The following CACNA1B variants were observed in gnomAD, a reference collection of about 807,000 sequenced individuals.
The protein encoded by CACNA1B is voltage-dependent N-type calcium channel subunit alpha-1B.
Under a neutral mutation model 247.2 loss-of-function variants are expected in CACNA1B, and 70 were observed. The observed-to-expected ratio is 0.28, with a 90% CI of 0.23 to 0.35. CACNA1B has a LOEUF of 0.35. CACNA1B is among the 10% of genes least tolerant of loss of function. The pLI is 1.00. For synonymous variants in CACNA1B, 1,231 were observed against 1,294.4 expected, an observed-to-expected ratio of 0.95 and a Z score of 1.05; for missense variants, 2,367 against 3,197.4, an observed-to-expected ratio of 0.74 and a Z score of 6.26.
Position 138,023,242 on chromosome 9 carries a change from A to C in CACNA1B, c.2499A>C (p.Lys833Asn). ...RDGARGPVGG[K>N]ARPEAAEAPE... is the part of the protein sequence containing the mutation. The stretch of plus-strand genomic sequence containing the variant: ...GCGCGCGGGGGCCCGTGGGAGGCAA[A>C]GCCCGACCTGAGGCTGCGGAGGCCC... Residue 833 changes from lysine (K) to asparagine (N), a missense_variant, in exon 19 of 47, where the codon AAA becomes AAC. Around this residue, in one of 12 missense-constraint regions of CACNA1B, gnomAD observed 631 missense variants for 631.1 expected, o/e 1.00. Transcript: ENST00000371372. The C allele has an allele frequency of 6.6e-7, 1 of 1,513,754 alleles. No individual in the cohort carries two copies. The highest frequency in any genetic ancestry group is 8.8e-7 in the Non-Finnish European group (1 of 1,139,312). 93.8% of individuals were successfully genotyped at this position (1,513,754 alleles called of 1,614,324 possible). A position where few individuals can be genotyped will look rare whatever the true frequency, so the allele number is the denominator to read the frequency against.
rs1281009471 is a variant in CACNA1B, at chr9:138,089,014, AG to A, written c.5095-7467del. Among the ~76,000 whole-genome samples the A allele has an allele frequency of 2.1e-5, 3 of 143,662 alleles. No individual in the cohort carries two copies. In the South Asian group the frequency reaches 7.0e-4, roughly 33 times the overall value. 94.2% of individuals were successfully genotyped at this position (143,662 alleles called of 152,430 possible). The stretch of plus-strand genomic sequence containing the variant: ...AAAAAATCCCATCAAAGAAAAGCCC[AG>A]GGTGCTTCACTAGAGAATTCTGCCA... On this transcript the variant is annotated intron_variant, in intron 36 of 46. Transcript: ENST00000371372.
Position 138,105,824 on chromosome 9 carries a change from C to G in CACNA1B, c.5428+17C>G. On this transcript the variant is annotated intron_variant, in intron 39 of 46. Transcript: ENST00000371372. ...TGGCCCCAGGTGAGCAAGGCAGCCTCGGAAGGAGGGCCCTGGACCCAGGGA... is the reference window on the plus strand; with the variant it reads ...TGGCCCCAGGTGAGCAAGGCAGCCTGGGAAGGAGGGCCCTGGACCCAGGGA... The G allele has an allele frequency of 1.4e-6, 2 of 1,393,544 alleles. No homozygotes were observed. The highest frequency in any genetic ancestry group is 2.0e-6 in the Non-Finnish European group (2 of 1,007,464). 86.3% of individuals were successfully genotyped at this position (1,393,544 alleles called of 1,614,324 possible).
At chr9:138,074,939 G>T (rs11137363) in intron 34 of CACNA1B, among the ~76,000 whole-genome samples, 26,096 of 152,248 alleles carry the variant, frequency 0.17, 2,674 homozygotes, top group East Asian at 0.4. Context: ...GGATCCTTGC[G>T]CTGGGCAAAC....
At position 137,974,167 on chromosome 9, in the gene CACNA1B, C is replaced by T. The variant is rs946181248; in HGVS notation, c.1544-1740C>T. On this transcript the variant is annotated intron_variant, in intron 11 of 46. Coordinates refer to ENST00000371372, the MANE Select transcript of CACNA1B (RefSeq NM_000718.4). This position sits in a 1 kb window ranked among gnomAD's most constrained non-coding sequence, Gnocchi z 4.5. ...GCTCTGCACTGGACTGCAGGGGTCA[C>T]GGCTTTCCTGCCACATCTCACACCT... 1.3e-5 allele frequency among the ~76,000 whole-genome samples: 2 copies of T among 152,160 alleles called. No individual in the cohort carries two copies. The highest frequency in any genetic ancestry group is 6.5e-5 in the Admixed American group (1 of 15,276).
rs770113904 is a variant in CACNA1B, at chr9:138,120,674, G to A, written c.6282G>A (p.Gly2094=). The change falls in exon 46 of 47, where the codon GGG becomes GGA. Residue 2094 remains glycine, a synonymous_variant. Transcript: ENST00000371372. ...GGCCGGGGCTGCCCCCGGGAGAGGG[G>A]CCTACAGGCTGCCGGCGGGAACGAG... ...AVGPGLPPGE[G]PTGCRRERER... is the part of the protein sequence containing the mutation. 41 of 1,516,020 alleles carry A rather than the reference G, an allele frequency of 2.7e-5. No homozygotes were observed. Among genetic ancestry groups the A allele is most frequent in the Non-Finnish European group, 3.5e-5 (40 of 1,138,000 alleles). 93.9% of individuals were successfully genotyped at this position (1,516,020 alleles called of 1,614,324 possible).
chr9:137,925,952 C>T (rs542505895), intron 6 of CACNA1B, among the ~76,000 whole-genome samples: 4 of 146,744 alleles, frequency 2.7e-5, no homozygotes, highest in South Asian at 2.2e-4. Context: ...GACGGGATTT[C>T]GCCATGTTGG....
chr9:138,074,109 G>A (rs375405253), intron 34 of CACNA1B, 43 bp downstream of exon 34: 13 of 1,409,032 alleles, frequency 9.2e-6, no homozygotes, highest in South Asian at 3.4e-5. Context: ...CCGGCCTCCC[G>A]TGCCCTGGAG....
chr9:138,080,463 C>T (rs1960490039), intron 36 of CACNA1B, among the ~76,000 whole-genome samples: 1 of 152,138 alleles, frequency 6.6e-6, no homozygotes, highest in African/African-American at 2.4e-5. Context: ...AAGATCATTA[C>T]ATTAACATTA....
At chr9:137,930,918 A>G (rs1466145259) in intron 6 of CACNA1B, among the ~76,000 whole-genome samples, 1 of 152,178 alleles carries the variant, frequency 6.6e-6, no homozygotes, top group Non-Finnish European at 1.5e-5. Context: ...CAATTTAAAA[A>G]AATTAATCTT....
At chr9:138,079,892 ATGT>A (rs1350550097) in intron 36 of CACNA1B, among the ~76,000 whole-genome samples, 2 of 141,518 alleles carry the variant, frequency 1.4e-5, no homozygotes, top group South Asian at 2.2e-4. Flanking sequence ...AAAAAAAAAA[ATGT>A]TGTTTATTGG....
At position 138,011,102 on chromosome 9, in the gene CACNA1B, C is replaced by T. The variant is rs542708522; in HGVS notation, c.2160+1025C>T. Among the ~76,000 whole-genome samples the T allele has an allele frequency of 6.6e-5, 10 of 152,330 alleles. No homozygotes were observed. The highest frequency in any genetic ancestry group is 1.4e-4 in the African/African-American group (6 of 41,578). On this transcript the variant is annotated intron_variant, in intron 17 of 46. Coordinates refer to ENST00000371372, the MANE Select transcript of CACNA1B (RefSeq NM_000718.4). The surrounding 1 kb of genome is among the most constrained non-coding windows in gnomAD (Gnocchi z 4.2). ...ATGGCCATGCCTATGCCTAGGGGCCCGGATTCCTCCCTGGCGCTCTGGTTT... is the reference window on the plus strand; with the variant it reads ...ATGGCCATGCCTATGCCTAGGGGCCTGGATTCCTCCCTGGCGCTCTGGTTT...
At chr9:138,084,309 C>G (rs1174567231) in intron 36 of CACNA1B, among the ~76,000 whole-genome samples, 1 of 151,226 alleles carries the variant, frequency 6.6e-6, no homozygotes, top group Non-Finnish European at 1.5e-5. Context: ...GATTGCAGGC[C>G]ATTAGACCTG....
At chr9:138,026,566 T>C (rs1958923152) in intron 20 of CACNA1B, among the ~76,000 whole-genome samples, 1 of 152,246 alleles carries the variant, frequency 6.6e-6, no homozygotes, top group African/African-American at 2.4e-5. Flanking sequence ...ATTAGCAATA[T>C]GCACTTAAGT....
In CACNA1B at chr9:138,010,561, A is replaced by T. The variant is rs1309160538; in HGVS notation, c.2160+484A>T. Among the ~76,000 whole-genome samples the T allele has an allele frequency of 6.6e-6, 1 of 152,034 alleles. No homozygotes were observed. The highest frequency in any genetic ancestry group is 2.4e-5 in the African/African-American group (1 of 41,388). On this transcript the variant is annotated intron_variant, in intron 17 of 46. Transcript: ENST00000371372. The surrounding 1 kb of genome is among the most constrained non-coding windows in gnomAD (Gnocchi z 5.3). ...CTGGTCATGCTCTCCCCAGCCCTGG[A>T]CACTTGTAGTGTGGCCACCTGCCAT...
At chr9:138,074,712 C>T (rs575549533) in intron 34 of CACNA1B, among the ~76,000 whole-genome samples, 3 of 152,328 alleles carry the variant, frequency 2.0e-5, no homozygotes, top group Admixed American at 1.3e-4. Flanking sequence ...CATGGGCTCC[C>T]GCCCAGTGAT....
At position 137,957,863 on chromosome 9, in the gene CACNA1B, C is replaced by A. The variant is rs12344325; in HGVS notation, c.1333+176C>A. On this transcript the variant is annotated intron_variant, in intron 10 of 46. Coordinates refer to ENST00000371372, the MANE Select transcript of CACNA1B (RefSeq NM_000718.4). This position sits in a 1 kb window ranked among gnomAD's most constrained non-coding sequence, Gnocchi z 4.7. The stretch of plus-strand genomic sequence containing the variant: ...TGTGACCCCCATGTGGACATAGGGC[C>A]CTTAGCCATATCCCAAGGCTGGAGG... Among the ~76,000 whole-genome samples, 37 of 152,304 alleles carry A rather than the reference C, an allele frequency of 2.4e-4. No homozygotes were observed. The highest frequency in any genetic ancestry group is 8.7e-4 in the African/African-American group (36 of 41,574).
intron 36 of CACNA1B, among the ~76,000 whole-genome samples, chr9:138,095,727 T>A (rs1161674764): frequency 1.3e-5 from 2 of 152,204 alleles, no homozygotes; most frequent in Admixed American, 1.3e-4. Flanking sequence ...CAAATGCCTA[T>A]CAGTGAATGA....
chr9:138,003,071 C>T (rs1958599834), intron 15 of CACNA1B, among the ~76,000 whole-genome samples: 1 of 151,608 alleles, frequency 6.6e-6, no homozygotes, highest in Admixed American at 6.6e-5. Flanking sequence ...GCTGGGATTA[C>T]AAACGTGAGC....
intron 36 of CACNA1B, among the ~76,000 whole-genome samples, chr9:138,086,722 G>A (rs1052605372): frequency 1.3e-5 from 2 of 151,150 alleles, no homozygotes; most frequent in Non-Finnish European, 2.9e-5. Context: ...GCGGATTTCC[G>A]TACCCTATGC....
Sources: allele counts gnomAD v4.1 joint callset (sites outside exome capture counted in the v4.1 genomes callset), GRCh38; gene constraint gnomAD v4.1.1; regional missense constraint gnomAD v4.1.1; non-coding constraint Gnocchi (gnomAD v3.1); transcripts MANE v1.5; gene names NCBI Gene and HGNC (gene_info 2026-07-23, HGNC 2026-07-21).